TNFRSF1B: variants seen among roughly 807,000 people sequenced by gnomAD.
TNFRSF1B encodes the protein TNF receptor superfamily member 1B, also known as tumor necrosis factor receptor superfamily member 1B.
TNFRSF1B carries 19 observed loss-of-function variants against 44.6 expected under a neutral mutation model. That is an observed-to-expected ratio of 0.43 (90% CI 0.30 to 0.62). TNFRSF1B has a LOEUF of 0.62. Ranked by LOEUF, TNFRSF1B falls within the 20% of genes least tolerant of loss-of-function variation. The probability of loss-of-function intolerance (pLI) is 0.16; values close to 1 mark genes in which losing one functional copy is unlikely to be tolerated. For missense variants in TNFRSF1B, 541 were observed against 619.9 expected, an observed-to-expected ratio of 0.87 and a Z score of 1.35; for synonymous variants, 252 against 261.1, an observed-to-expected ratio of 0.97 and a Z score of 0.34.
chr1:12,197,523 C>G (rs535617066), intron 8 of TNFRSF1B, among the ~76,000 whole-genome samples: 1 of 152,208 alleles, frequency 6.6e-6, no homozygotes, highest in Non-Finnish European at 1.5e-5. Flanking sequence ...TGAGTCCCCA[C>G]GCATCCCTGT....
At position 12,166,995 on chromosome 1, in the gene TNFRSF1B, G is replaced by GAGGGCT; in HGVS notation, c.-94_-89dup. On this transcript the variant is annotated 5_prime_UTR_variant, in exon 1 of 10. Coordinates refer to ENST00000376259, the MANE Select transcript of TNFRSF1B (RefSeq NM_001066.3). ...GGGGCGCGGGCTTTCGCTTTCAGTC[G>GAGGGCT]AGGGCTAGCGAGCGCAGCGGAGCCT... 1 of 990,994 alleles carries GAGGGCT rather than the reference G, an allele frequency of 1.0e-6. No individual in the cohort carries two copies. The allele number at this position is 990,994 out of a possible 1,614,324, so 61.4% of individuals were successfully genotyped here.
rs1348862973 is a variant in TNFRSF1B at position 12,186,661 on chromosome 1, C to CG, written c.79-2134dup. Among the ~76,000 whole-genome samples, 3 of 152,210 alleles carry CG rather than the reference C, an allele frequency of 2.0e-5. No homozygotes were observed. Among genetic ancestry groups the CG allele is most frequent in the Non-Finnish European group, 4.4e-5 (3 of 68,026 alleles). ...TTATCTATGGAGAGGCCCCATGACTCGTTCACTAAAGGTTATGGATCTCGA... is the reference window on the plus strand; with the variant it reads ...TTATCTATGGAGAGGCCCCATGACTCGGTTCACTAAAGGTTATGGATCTCGA... On this transcript the variant is annotated intron_variant, in intron 1 of 9. Transcript: ENST00000376259. The surrounding 1 kb of genome is among the most constrained non-coding windows in gnomAD (Gnocchi z 4.8).
At chr1:12,181,235 G>A (rs558569721) in intron 1 of TNFRSF1B, among the ~76,000 whole-genome samples, 2 of 152,320 alleles carry the variant, frequency 1.3e-5, no homozygotes, top group South Asian at 4.1e-4. Context: ...GCAGTTCGCT[G>A]CCCTGGGGTG....
intron 9 of TNFRSF1B, among the ~76,000 whole-genome samples, chr1:12,205,768 C>G (rs980956036): frequency 6.6e-6 from 1 of 151,960 alleles, no homozygotes; most frequent in Non-Finnish European, 1.5e-5. Flanking sequence ...ATTATAGGCA[C>G]CTGCCACCAT....
At chr1:12,196,800 G>A (rs553864428) in intron 8 of TNFRSF1B, among the ~76,000 whole-genome samples, 59 of 152,272 alleles carry the variant, frequency 3.9e-4, no homozygotes, top group African/African-American at 1.2e-3. Context: ...GCCTGGTGGC[G>A]TGCGTAGAGC....
At position 12,167,032 on chromosome 1, in the gene TNFRSF1B, G is replaced by A. The variant is rs1638398169; in HGVS notation, c.-60G>A. The A allele has an allele frequency of 1.7e-6, 2 of 1,171,952 alleles. No individual in the cohort carries two copies. Among genetic ancestry groups the A allele is most frequent in the South Asian group, 2.8e-5 (1 of 36,088 alleles). 72.6% of individuals were successfully genotyped at this position (1,171,952 alleles called of 1,614,324 possible). ...GCGCAGCGGAGCCTGGAGAGAAGGCGCTGGGCTGCGAGGGCGCGAGGGCGC... is the reference window on the plus strand; with the variant it reads ...GCGCAGCGGAGCCTGGAGAGAAGGCACTGGGCTGCGAGGGCGCGAGGGCGC... On this transcript the variant is annotated 5_prime_UTR_variant, in exon 1 of 10. Coordinates refer to ENST00000376259, the MANE Select transcript of TNFRSF1B (RefSeq NM_001066.3).
Position 12,201,967 on chromosome 1 carries a change from C to G in TNFRSF1B, c.901C>G (p.Pro301Ala), listed in dbSNP as rs781525724. 1 of 1,607,346 alleles carries G rather than the reference C, an allele frequency of 6.2e-7. No homozygotes were observed. The highest frequency in any genetic ancestry group is 8.5e-7 in the Non-Finnish European group (1 of 1,176,492). The change falls in exon 9 of 10, where the codon CCT (proline) becomes GCT (alanine). Residue 301 changes from proline (P) to alanine (A), a missense_variant and splice_region_variant. Transcript: ENST00000376259. ...CCCCTACCACCCCCTGCCCATCCAGCCTCACTTGCCTGCCGATAAGGCCCG... is the reference window on the plus strand; with the variant it reads ...CCCCTACCACCCCCTGCCCATCCAGGCTCACTTGCCTGCCGATAAGGCCCG... The part of the protein sequence containing the change: ...PLCLQREAKV[P>A]HLPADKARGT...
At chr1:12,176,371 C>T (rs1254621419) in intron 1 of TNFRSF1B, among the ~76,000 whole-genome samples, 5 of 152,116 alleles carry the variant, frequency 3.3e-5, no homozygotes, top group Non-Finnish European at 4.4e-5. Context: ...AGGAGTAGTA[C>T]CAATTACATT....
Position 12,193,046 on chromosome 1 carries a change from G to A in TNFRSF1B, c.735G>A (p.Met245Ile), listed in dbSNP as rs1639185085. Residue 245 changes from methionine to isoleucine, a missense_variant, in exon 6 of 10, where the codon ATG becomes ATA. Coordinates refer to ENST00000376259, the MANE Select transcript of TNFRSF1B (RefSeq NM_001066.3). ...TAPSTSFLLPMGPSPPAEGST... is the reference protein window; with the variant it reads ...TAPSTSFLLPIGPSPPAEGST... ...CAAGCACCTCCTTCCTGCTCCCAAT[G>A]GGCCCCAGCCCCCCAGCTGAAGGGA... 6.2e-7 allele frequency: 1 copy of A among 1,614,028 alleles called. No individual in the cohort carries two copies. The highest frequency in any genetic ancestry group is 1.3e-5 in the African/African-American group (1 of 74,908).
rs1268430789 is a variant in TNFRSF1B, at chr1:12,207,369, T to G, written c.*349T>G. ...TGGAGCCCTTGGGTTTTTTGTTTGT[T>G]TGTTTGTTTGTTTGTTTGTTTCTCC... On this transcript the variant is annotated 3_prime_UTR_variant, in exon 10 of 10. Transcript: ENST00000376259. 7.9e-6 allele frequency: 2 copies of G among 253,492 alleles called. No individual in the cohort carries two copies. Among genetic ancestry groups the G allele is most frequent in the Non-Finnish European group, 1.5e-5 (2 of 134,064 alleles). 15.7% of individuals were successfully genotyped at this position (253,492 alleles called of 1,614,324 possible).
chr1:12,184,503 C>G (rs1638934241), intron 1 of TNFRSF1B, among the ~76,000 whole-genome samples: 1 of 152,116 alleles, frequency 6.6e-6, no homozygotes, highest in Non-Finnish European at 1.5e-5. Flanking sequence ...CCACACAGAG[C>G]CAGGGAGGAA....
intron 8 of TNFRSF1B, among the ~76,000 whole-genome samples, chr1:12,196,959 C>CT (rs1173257674): frequency 3.3e-3 from 474 of 143,046 alleles, no homozygotes; most frequent in Middle Eastern, 0.011. Flanking sequence ...TTCTTTCTTT[C>CT]TTTTTTTTTT....
intron 9 of TNFRSF1B, 41 bp downstream of exon 9, chr1:12,202,212 T>C (rs1391857334): frequency 6.5e-7 from 1 of 1,532,960 alleles, no homozygotes; most frequent in Admixed American, 2.0e-5. Context: ...CCAAGCCTCC[T>C]TGGTCTTTCT....
chr1:12,200,001 T>C (rs962569500), intron 8 of TNFRSF1B, among the ~76,000 whole-genome samples: 3 of 152,128 alleles, frequency 2.0e-5, no homozygotes, highest in Non-Finnish European at 4.4e-5. Flanking sequence ...CCAGCCTCTC[T>C]TCAGTGTGCG....
chr1:12,185,778 T>C (rs1243119827), intron 1 of TNFRSF1B, among the ~76,000 whole-genome samples: 1 of 152,182 alleles, frequency 6.6e-6, no homozygotes, highest in Non-Finnish European at 1.5e-5. Context: ...CAGCCCGTGG[T>C]TGAGACTAGC....
chr1:12,176,053 GAA>G lies in TNFRSF1B; in HGVS notation c.78+8899_78+8900del, dbSNP rs113671676. Reference sequence around the variant, plus strand: ...AACATGGTGAAACCCTGTCTCTACTGAAAAAAAAAAAAAAAATTAGCCAGGCG... The same window carrying G: ...AACATGGTGAAACCCTGTCTCTACTGAAAAAAAAAAAAAATTAGCCAGGCG... On this transcript the variant is annotated intron_variant, in intron 1 of 9. Transcript: ENST00000376259. Among the ~76,000 whole-genome samples the G allele has an allele frequency of 8.9e-3, 1,232 of 138,564 alleles. 14 individuals are homozygous for G. Among genetic ancestry groups the G allele is most frequent in the African/African-American group, 0.031 (1,155 of 37,544 alleles). The allele number at this position is 138,564 out of a possible 152,430, so 90.9% of individuals were successfully genotyped here. A position where few individuals can be genotyped will look rare whatever the true frequency, so the allele number is the denominator to read the frequency against.
In TNFRSF1B at chr1:12,199,790, C is replaced by T. The variant is rs1639348411; in HGVS notation, c.901-2177C>T. On this transcript the variant is annotated intron_variant, in intron 8 of 9. Transcript: ENST00000376259. This position sits in a 1 kb window ranked among gnomAD's most constrained non-coding sequence, Gnocchi z 4.0. ...GCTGGCGAGCCCCATCAGCCCTTCA[C>T]TCATCTCTACCCTCCTTCTTTCTGC... Among the ~76,000 whole-genome samples the T allele has an allele frequency of 1.3e-5, 2 of 152,228 alleles. No individual in the cohort carries two copies. Among genetic ancestry groups the T allele is most frequent in the African/African-American group, 4.8e-5 (2 of 41,450 alleles).
At chr1:12,194,121 A>C (rs760348211) in intron 7 of TNFRSF1B, 89 bp downstream of exon 7, 273 of 1,092,398 alleles carry the variant, frequency 2.5e-4, no homozygotes, top group Non-Finnish European at 3.7e-4. Context: ...GCACAGCCTT[A>C]GGGGTCAGAC....
At position 12,190,813 on chromosome 1, in the gene TNFRSF1B, G is replaced by C. The variant is rs1388724061; in HGVS notation, c.179-144G>C. The C allele has an allele frequency of 9.9e-6, 9 of 912,930 alleles. No homozygotes were observed. In the South Asian group the frequency reaches 1.6e-4, roughly 16 times the overall value. The allele number at this position is 912,930 out of a possible 1,614,324, so 56.6% of individuals were successfully genotyped here. A position where few individuals can be genotyped will look rare whatever the true frequency, so the allele number is the denominator to read the frequency against. Reference sequence around the variant, plus strand: ...TGATAGCTGGTACAATACTAGATGGGAGATGATTCTGAGGAATTGGAACTC... The same window carrying C: ...TGATAGCTGGTACAATACTAGATGGCAGATGATTCTGAGGAATTGGAACTC... On this transcript the variant is annotated intron_variant, in intron 2 of 9. Coordinates refer to ENST00000376259, the MANE Select transcript of TNFRSF1B (RefSeq NM_001066.3).
Sources: allele counts gnomAD v4.1 joint callset (sites outside exome capture counted in the v4.1 genomes callset), GRCh38; gene constraint gnomAD v4.1.1; non-coding constraint Gnocchi (gnomAD v3.1); transcripts MANE v1.5; gene names NCBI Gene and HGNC (gene_info 2026-07-23, HGNC 2026-07-21).